Variants in TGFBRAP1 observed in about 807,000 individuals in gnomAD.
TGFBRAP1 encodes transforming growth factor-beta receptor-associated protein 1.
TGFBRAP1 carries 20 observed loss-of-function variants against 83.2 expected under a neutral mutation model. The observed-to-expected ratio is 0.24, with a 90% CI of 0.17 to 0.35. The LOEUF (loss-of-function observed/expected upper bound fraction) is 0.35, where lower values mean the gene tolerates loss of function less well. Ranked by LOEUF, TGFBRAP1 falls within the 10% of genes least tolerant of loss-of-function variation. The pLI, the probability that TGFBRAP1 is intolerant of heterozygous loss-of-function variation, is 1.00. For synonymous variants in TGFBRAP1, 415 were observed against 459.8 expected (o/e 0.90, Z 1.25); for missense variants, 950 against 1,099.4 (o/e 0.86, Z 1.92).
chr2:105,328,263 C>T (rs1679276515), intron 1 of TGFBRAP1, among the ~76,000 whole-genome samples: 1 of 152,182 alleles, frequency 6.6e-6, no homozygotes, highest in African/African-American at 2.4e-5. Context: ...GAGCATCACT[C>T]CCATTTCATA....
At chr2:105,256,999 T>C in the TGFBRAP1 span, among the ~76,000 whole-genome samples, 26 of 152,232 alleles carry the variant, frequency 1.7e-4, no homozygotes, top group African/African-American at 6.0e-4. Flanking sequence ...CTATATGGTC[T>C]AAAAACGGGA....
intron 1 of TGFBRAP1, among the ~76,000 whole-genome samples, chr2:105,312,507 A>G (rs777994253): frequency 1.7e-4 from 26 of 152,210 alleles, no homozygotes; most frequent in Non-Finnish European, 3.8e-4. Context: ...AGTTTGCAAA[A>G]AACTAAACAA....
chr2:105,256,229 C>T, the TGFBRAP1 span, among the ~76,000 whole-genome samples: 1 of 152,152 alleles, frequency 6.6e-6, no homozygotes, highest in African/African-American at 2.4e-5. Context: ...AGCTCAAATA[C>T]TTGTATTATT....
chr2:105,308,759 C>G (rs1265765421), intron 1 of TGFBRAP1, among the ~76,000 whole-genome samples: 1 of 141,562 alleles, frequency 7.1e-6, no homozygotes, highest in African/African-American at 2.8e-5. Flanking sequence ...AATGAGACCC[C>G]ATTTAAAAAA....
the TGFBRAP1 span, among the ~76,000 whole-genome samples, chr2:105,252,906 C>T: frequency 6.6e-6 from 1 of 150,664 alleles, no homozygotes; most frequent in East Asian, 2.0e-4. Flanking sequence ...GGGTCCACCA[C>T]CACACCCGGA....
At position 105,275,662 on chromosome 2, in the gene TGFBRAP1, T is replaced by C; in HGVS notation, c.1563A>G (p.Thr521=). 1 of 1,614,004 alleles carries C rather than the reference T, an allele frequency of 6.2e-7. No individual in the cohort carries two copies. Among genetic ancestry groups the C allele is most frequent in the Non-Finnish European group, 8.5e-7 (1 of 1,180,008 alleles). ...NIVNGDVQDS[T]RSDLYEYIVD... is the part of the protein sequence containing the mutation. ...CGATGTATTCATACAGGTCTGAGCGTGTGGAGTCCTGGACATCGCCATTCA... is the reference window on the plus strand; with the variant it reads ...CGATGTATTCATACAGGTCTGAGCGCGTGGAGTCCTGGACATCGCCATTCA... The change falls in exon 8 of 12, where the codon ACA becomes ACG. Residue 521 remains threonine, a synonymous_variant. Coordinates refer to ENST00000393359, the MANE Select transcript of TGFBRAP1 (RefSeq NM_004257.6).
chr2:105,256,262 C>G, the TGFBRAP1 span, among the ~76,000 whole-genome samples: 1 of 152,138 alleles, frequency 6.6e-6, no homozygotes, highest in Non-Finnish European at 1.5e-5. Flanking sequence ...AGGAGAAAGC[C>G]TCCCCTCCAG....
At chr2:105,262,300 G>C (rs930865333), downstream of TGFBRAP1, among the ~76,000 whole-genome samples, 2 of 152,156 alleles carry the variant, frequency 1.3e-5, no homozygotes, top group Non-Finnish European at 2.9e-5. Flanking sequence ...CCGTGGTAAA[G>C]AGTGAGTTCT....
chr2:105,250,660 G>A, the TGFBRAP1 span, among the ~76,000 whole-genome samples: 2 of 141,746 alleles, frequency 1.4e-5, no homozygotes, highest in Admixed American at 1.4e-4. Context: ...CTCTCCCCAC[G>A]GTCTCCCTCT....
At chr2:105,318,131 T>G (rs1678943497) in intron 1 of TGFBRAP1, among the ~76,000 whole-genome samples, 1 of 152,188 alleles carries the variant, frequency 6.6e-6, no homozygotes, top group Non-Finnish European at 1.5e-5. Context: ...TTACTGAGTC[T>G]GTTTTGTGCT....
intron 7 of TGFBRAP1, among the ~76,000 whole-genome samples, chr2:105,276,403 A>G (rs1467638807): frequency 6.6e-6 from 1 of 152,136 alleles, no homozygotes; most frequent in East Asian, 1.9e-4. Flanking sequence ...CCACCCATAC[A>G]CAGCACCACC....
At chr2:105,303,104 C>T (rs1678357681) in intron 2 of TGFBRAP1, among the ~76,000 whole-genome samples, 1 of 152,186 alleles carries the variant, frequency 6.6e-6, no homozygotes, top group Admixed American at 6.5e-5. Flanking sequence ...TTGGTTCTAT[C>T]AACATGATTT....
intron 1 of TGFBRAP1, among the ~76,000 whole-genome samples, chr2:105,322,843 A>G (rs1679107830): frequency 6.6e-6 from 1 of 152,320 alleles, no homozygotes; most frequent in South Asian, 2.1e-4. Context: ...TATATCATAT[A>G]TTAGCTCTAA....
chr2:105,259,630 CCTT>C (rs1676743771), downstream of TGFBRAP1, among the ~76,000 whole-genome samples: 1 of 152,198 alleles, frequency 6.6e-6, no homozygotes, highest in African/African-American at 2.4e-5. Flanking sequence ...AATGTGCAAA[CCTT>C]CATTAGGGGA....
At position 105,269,320 on chromosome 2, in the gene TGFBRAP1, C is replaced by T. The variant is rs780671677; in HGVS notation, c.2358G>A (p.Val786=). Residue 786 remains valine, a synonymous_variant, in exon 11 of 12, where the codon GTG becomes GTA. Coordinates refer to ENST00000393359, the MANE Select transcript of TGFBRAP1 (RefSeq NM_004257.6). The surrounding 1 kb of genome is among the most constrained non-coding windows in gnomAD (Gnocchi z 4.1). ...DSIHARRTMQ[V]ALGLARSENL... ...TTTCGGACCTGGCCAGGCCGAGAGC[C>T]ACCTGCATGGTCCTCCTGGCATGGA... 2 of 1,613,420 alleles carry T rather than the reference C, an allele frequency of 1.2e-6. No homozygotes were observed. Among genetic ancestry groups the T allele is most frequent in the Non-Finnish European group, 1.7e-6 (2 of 1,179,490 alleles).
intron 2 of TGFBRAP1, among the ~76,000 whole-genome samples, chr2:105,302,009 T>TAAAAAAAAAAAAAAAAAAAAAAAC (rs35548542): frequency 4.0e-5 from 3 of 75,112 alleles, no homozygotes; most frequent in African/African-American, 1.0e-4. Context: ...TAAAGAATAC[T>TAAAAAAAAAAAAAAAAAAAAAAAC]AAAAAAAAAA....
chr2:105,311,908 CAA>C (rs879619148), intron 1 of TGFBRAP1, among the ~76,000 whole-genome samples: 1 of 138,130 alleles, frequency 7.2e-6, no homozygotes. Context: ...AACTCCATCT[CAA>C]AAAAAAAAAA....
At chr2:105,324,460 C>G (rs925120267) in intron 1 of TGFBRAP1, among the ~76,000 whole-genome samples, 1 of 152,118 alleles carries the variant, frequency 6.6e-6, no homozygotes, top group Non-Finnish European at 1.5e-5. Context: ...AAGCATGAAC[C>G]AATACCCATC....
At chr2:105,250,806 G>A in the TGFBRAP1 span, among the ~76,000 whole-genome samples, 4 of 152,184 alleles carry the variant, frequency 2.6e-5, no homozygotes, top group African/African-American at 4.8e-5. Flanking sequence ...GGCGCGCGCC[G>A]CCACGCCTGA....
Sources: gnomAD v4.1 joint callset for allele counts (sites outside exome capture counted in the v4.1 genomes callset) on GRCh38, gnomAD v4.1.1 for gene constraint, Gnocchi (gnomAD v3.1) non-coding constraint, MANE v1.5 for transcripts, NCBI Gene and HGNC (gene_info 2026-07-23, HGNC 2026-07-21) for gene names.